SKAP2: variants seen among roughly 807,000 people sequenced by gnomAD.
SKAP2 encodes the protein src kinase-associated phosphoprotein 2.
A neutral mutation model predicts 54.9 loss-of-function variants in SKAP2; 28 were observed. The observed-to-expected ratio is 0.51, with a 90% CI of 0.38 to 0.70. SKAP2 has a LOEUF of 0.70. SKAP2 is among the 30% of genes least tolerant of loss of function. The probability of loss-of-function intolerance (pLI) is 0.00; values close to 1 mark genes in which losing one functional copy is unlikely to be tolerated. For synonymous variants in SKAP2, 137 were observed against 134.3 expected, an observed-to-expected ratio of 1.02 and a Z score of -0.14; for missense variants, 356 against 424.1, an observed-to-expected ratio of 0.84 and a Z score of 1.41.
In SKAP2 at chr7:26,783,973, GA is replaced by G. The variant is rs1358608759; in HGVS notation, c.308-44010del. 1.0e-3 allele frequency among the ~76,000 whole-genome samples: 143 copies of G among 137,778 alleles called. 1 individual carries two copies. The highest frequency in any genetic ancestry group is 1.1e-3 in the African/African-American group (42 of 37,730). 90.4% of individuals were successfully genotyped at this position (137,778 alleles called of 152,430 possible). On this transcript the variant is annotated intron_variant, in intron 4 of 12. Coordinates refer to ENST00000345317, the MANE Select transcript of SKAP2 (RefSeq NM_003930.5). ...TGAAATAAAATAATTATAAGTCTTA[GA>G]AAAAAAAAAAAGAAATCTTATCTGA...
intron 4 of SKAP2, among the ~76,000 whole-genome samples, chr7:26,799,104 GCAAGGCAAGA>G (rs1415247176): frequency 1.4e-5 from 2 of 144,074 alleles, no homozygotes; most frequent in African/African-American, 5.1e-5. Flanking sequence ...GCAAGGCAAG[GCAAGGCAAGA>G]CAAGGCAAGG....
At chr7:26,809,976 ATTAAG>A (rs993360219) in intron 4 of SKAP2, among the ~76,000 whole-genome samples, 2 of 152,330 alleles carry the variant, frequency 1.3e-5, no homozygotes, top group East Asian at 1.9e-4. Context: ...CCTGGAGGGC[ATTAAG>A]TTAAGTAAAA....
chr7:26,812,056 G>A (rs554721587), intron 4 of SKAP2, among the ~76,000 whole-genome samples: 22 of 152,088 alleles, frequency 1.4e-4, no homozygotes, highest in African/African-American at 5.1e-4. Flanking sequence ...TTCCTCCTAG[G>A]GCCCTGATTT....
At chr7:26,670,917 T>C (rs1288921081) in intron 11 of SKAP2, among the ~76,000 whole-genome samples, 1 of 152,078 alleles carries the variant, frequency 6.6e-6, no homozygotes, top group Non-Finnish European at 1.5e-5. Flanking sequence ...GGAAGATCAA[T>C]AGGAAATAAA....
At chr7:26,799,039 G>A (rs988998254) in intron 4 of SKAP2, among the ~76,000 whole-genome samples, 1 of 141,622 alleles carries the variant, frequency 7.1e-6, no homozygotes, top group Non-Finnish European at 1.5e-5. Flanking sequence ...GAGGGGAAAA[G>A]AGGAGGGGAG....
intron 4 of SKAP2, among the ~76,000 whole-genome samples, chr7:26,749,041 C>A (rs914682952): frequency 1.3e-5 from 2 of 152,092 alleles, no homozygotes; most frequent in Non-Finnish European, 2.9e-5. Flanking sequence ...AATGTTGTCT[C>A]TTATTACTAC....
intron 4 of SKAP2, among the ~76,000 whole-genome samples, chr7:26,813,403 CCAA>C (rs1784198339): frequency 1.3e-5 from 2 of 152,116 alleles, no homozygotes; most frequent in South Asian, 2.1e-4. Context: ...TTTTTTAAAG[CCAA>C]CAACAACAAA....
intron 9 of SKAP2, among the ~76,000 whole-genome samples, chr7:26,713,144 TC>T (rs1247313930): frequency 1.3e-5 from 2 of 152,198 alleles, no homozygotes; most frequent in Admixed American, 6.5e-5. Context: ...CCCAGGATTG[TC>T]CATGCTCAGA....
intron 9 of SKAP2, among the ~76,000 whole-genome samples, chr7:26,718,038 C>T (rs562737584): frequency 1.3e-5 from 2 of 151,956 alleles, no homozygotes; most frequent in South Asian, 2.1e-4. Flanking sequence ...TACATACATA[C>T]ATACATACAT....
chr7:26,727,096 A>C (rs927934440), intron 6 of SKAP2, 90 bp from the exon 7 acceptor site: 37 of 1,119,214 alleles, frequency 3.3e-5, no homozygotes, highest in Non-Finnish European at 3.8e-5. Flanking sequence ...AATTCTTGGA[A>C]ATAACATTTT....
At chr7:26,682,461 T>C (rs909257164) in intron 11 of SKAP2, among the ~76,000 whole-genome samples, 1 of 152,186 alleles carries the variant, frequency 6.6e-6, no homozygotes, top group Non-Finnish European at 1.5e-5. Flanking sequence ...ATTTACCAGG[T>C]TGATTCCACT....
chr7:26,777,926 A>G (rs902838822), intron 4 of SKAP2, among the ~76,000 whole-genome samples: 2 of 152,082 alleles, frequency 1.3e-5, no homozygotes, highest in African/African-American at 4.8e-5. Flanking sequence ...ACACCTATAA[A>G]TGAACTGATT....
the SKAP2 span, among the ~76,000 whole-genome samples, chr7:26,656,214 A>G: frequency 6.6e-6 from 1 of 152,212 alleles, no homozygotes; most frequent in African/African-American, 2.4e-5. Flanking sequence ...GGAAAACAAT[A>G]TGCATGATAA....
intron 4 of SKAP2, among the ~76,000 whole-genome samples, chr7:26,825,175 G>A (rs1222284335): frequency 1.3e-5 from 2 of 152,132 alleles, no homozygotes; most frequent in East Asian, 3.8e-4. Context: ...GGTCAAATAA[G>A]TAAGTAATCT....
At chr7:26,820,792 T>C (rs1465065486) in intron 4 of SKAP2, among the ~76,000 whole-genome samples, 1 of 152,194 alleles carries the variant, frequency 6.6e-6, no homozygotes, top group African/African-American at 2.4e-5. Flanking sequence ...ATTAAACTAC[T>C]TATGTTCAAA....
intron 4 of SKAP2, among the ~76,000 whole-genome samples, chr7:26,781,107 A>G (rs1440000452): frequency 6.6e-6 from 1 of 152,156 alleles, no homozygotes; most frequent in African/African-American, 2.4e-5. Flanking sequence ...CATTTATCCA[A>G]TCTTACTAAA....
At chr7:26,712,889 C>A (rs565932359) in intron 9 of SKAP2, among the ~76,000 whole-genome samples, 1 of 152,318 alleles carries the variant, frequency 6.6e-6, no homozygotes, top group East Asian at 1.9e-4. Flanking sequence ...AGAAAAAGGT[C>A]TCTTCCAATC....
intron 4 of SKAP2, among the ~76,000 whole-genome samples, chr7:26,808,120 T>C (rs1452404218): frequency 6.6e-6 from 1 of 152,202 alleles, no homozygotes; most frequent in Admixed American, 6.6e-5. Flanking sequence ...GGTAATCTGC[T>C]ATACAGCAAT....
chr7:26,682,326 GACAA>G (rs1786521098), intron 11 of SKAP2, among the ~76,000 whole-genome samples: 1 of 152,126 alleles, frequency 6.6e-6, no homozygotes, highest in East Asian at 1.9e-4. Flanking sequence ...AGTCTTCAAA[GACAA>G]ACATATACTC....
Sources: gnomAD v4.1 joint callset for allele counts (sites outside exome capture counted in the v4.1 genomes callset) on GRCh38, gnomAD v4.1.1 for gene constraint, MANE v1.5 for transcripts, NCBI Gene and HGNC (gene_info 2026-07-23, HGNC 2026-07-21) for gene names.